Variants in BRIP1 observed in about 807,000 individuals in gnomAD.
BRIP1 encodes the protein Fanconi anemia group J protein.
BRIP1 carries 88 observed loss-of-function variants against 119.7 expected under a neutral mutation model. The observed-to-expected ratio is 0.74, with a 90% confidence interval of 0.62 to 0.88. The LOEUF (loss-of-function observed/expected upper bound fraction) is 0.88, where lower values mean the gene tolerates loss of function less well. BRIP1 is among the 40% of genes least tolerant of loss of function. The pLI is 0.00. For missense variants in BRIP1, 1,259 were observed against 1,455.4 expected (o/e 0.87, Z 2.20); for synonymous variants, 443 against 496.5 (o/e 0.89, Z 1.43).
At position 61,695,705 on chromosome 17, in the gene BRIP1, A is replaced by G. The variant is rs981058221; in HGVS notation, c.2493-2193T>C. ...AGATCTTTCATCTCCTTAGTTAAGT[A>G]TATTTCTAAGTATTTTCTTCTTTCT... On this transcript the variant is annotated intron_variant, in intron 17 of 19. Transcript: ENST00000259008. This position sits in a 1 kb window ranked among gnomAD's most constrained non-coding sequence, Gnocchi z 4.3. Among the ~76,000 whole-genome samples the G allele has an allele frequency of 6.6e-6, 1 of 152,062 alleles. No individual in the cohort carries two copies.
chr17:61,845,035 A>G lies in BRIP1; in HGVS notation c.627+2066T>C, dbSNP rs2078708118. Among the ~76,000 whole-genome samples, 1 of 152,244 alleles carries G rather than the reference A, an allele frequency of 6.6e-6. No individual in the cohort carries two copies. The highest frequency in any genetic ancestry group is 6.5e-5 in the Admixed American group (1 of 15,290). Reference sequence around the variant, plus strand: ...AAGACTGACATTACATCGTAATAGGACAGACAAATAATAAACAAGTAATCA... The same window carrying G: ...AAGACTGACATTACATCGTAATAGGGCAGACAAATAATAAACAAGTAATCA... On this transcript the variant is annotated intron_variant, in intron 6 of 19. Transcript: ENST00000259008. The surrounding 1 kb of genome is among the most constrained non-coding windows in gnomAD (Gnocchi z 4.2).
chr17:61,793,057 C>CA lies in BRIP1; in HGVS notation c.1473+539dup, dbSNP rs966710285. ...ATTAATTTAAATAAGTAAATAGCAA[C>CA]AAAAAAAGAAAATATATTCTTATCG... On this transcript the variant is annotated intron_variant, in intron 10 of 19. Coordinates refer to ENST00000259008, the MANE Select transcript of BRIP1 (RefSeq NM_032043.3). This position sits in a 1 kb window ranked among gnomAD's most constrained non-coding sequence, Gnocchi z 5.2. Among the ~76,000 whole-genome samples the CA allele has an allele frequency of 6.6e-6, 1 of 151,338 alleles. No homozygotes were observed. The highest frequency in any genetic ancestry group is 2.4e-5 in the African/African-American group (1 of 41,218).
In BRIP1 at chr17:61,851,919, G is replaced by A. The variant is rs1033651953; in HGVS notation, c.380-2663C>T. Among the ~76,000 whole-genome samples the A allele has an allele frequency of 8.5e-5, 13 of 152,096 alleles. No homozygotes were observed. Among genetic ancestry groups the A allele is most frequent in the Admixed American group, 7.2e-4 (11 of 15,278 alleles). On this transcript the variant is annotated intron_variant, in intron 4 of 19. Transcript: ENST00000259008. The surrounding 1 kb of genome is among the most constrained non-coding windows in gnomAD (Gnocchi z 4.6). ...TGGGCAATGTCTGGAGACATTTTTC[G>A]TTGTCACAAAAAGAGCAGAGGTGGA...
At position 61,706,982 on chromosome 17, in the gene BRIP1, A is replaced by C. The variant is rs1046043768; in HGVS notation, c.2492+8969T>G. Among the ~76,000 whole-genome samples, 7 of 152,034 alleles carry C rather than the reference A, an allele frequency of 4.6e-5. No homozygotes were observed. The highest frequency in any genetic ancestry group is 2.6e-4 in the Admixed American group (4 of 15,264). On this transcript the variant is annotated intron_variant, in intron 17 of 19. Transcript: ENST00000259008. The surrounding 1 kb of genome is among the most constrained non-coding windows in gnomAD (Gnocchi z 5.7). ...TGTTTTAGGAATTATCTTTGCCTCT[A>C]TTCTGGATTGGAACCCTAGTTCCCT... is the stretch of plus-strand genomic sequence containing the variant.
rs980404531 is a variant in BRIP1, at chr17:61,760,949, C to A, written c.2097+15452G>T. 6.6e-6 allele frequency among the ~76,000 whole-genome samples: 1 copy of A among 151,846 alleles called. No individual in the cohort carries two copies. The highest frequency in any genetic ancestry group is 2.4e-5 in the African/African-American group (1 of 41,386). On this transcript the variant is annotated intron_variant, in intron 14 of 19. Coordinates refer to ENST00000259008, the MANE Select transcript of BRIP1 (RefSeq NM_032043.3). This position sits in a 1 kb window ranked among gnomAD's most constrained non-coding sequence, Gnocchi z 4.6. Reference sequence around the variant, plus strand: ...ATACCAAGGCCAGATAAGGACAATACAAGAAAAGAAAACTGTAGGCCAATA... The same window carrying A: ...ATACCAAGGCCAGATAAGGACAATAAAAGAAAAGAAAACTGTAGGCCAATA...
In BRIP1 at chr17:61,740,754, C is replaced by T. The variant is rs181584923; in HGVS notation, c.2379+2259G>A. Among the ~76,000 whole-genome samples, 1 of 152,298 alleles carries T rather than the reference C, an allele frequency of 6.6e-6. No homozygotes were observed. The highest frequency in any genetic ancestry group is 1.9e-4 in the East Asian group (1 of 5,184). On this transcript the variant is annotated intron_variant, in intron 16 of 19. Transcript: ENST00000259008. The surrounding 1 kb of genome is among the most constrained non-coding windows in gnomAD (Gnocchi z 5.4). ...TCAAAAGCCAATGTATATACCTTAACTTGAAAATATTTTATTGCTAAAAAA... is the reference window on the plus strand; with the variant it reads ...TCAAAAGCCAATGTATATACCTTAATTTGAAAATATTTTATTGCTAAAAAA...
Position 61,767,043 on chromosome 17 carries a change from A to G in BRIP1, c.2097+9358T>C, listed in dbSNP as rs2077383567. On this transcript the variant is annotated intron_variant, in intron 14 of 19. Transcript: ENST00000259008. This position sits in a 1 kb window ranked among gnomAD's most constrained non-coding sequence, Gnocchi z 5.7. ...AAGAATGGCATTCCTCCTAGTTACC[A>G]TAAACTATTGGTCTGAAAGAATGTG... 6.6e-6 allele frequency among the ~76,000 whole-genome samples: 1 copy of G among 152,178 alleles called. No individual in the cohort carries two copies. Among genetic ancestry groups the G allele is most frequent in the Non-Finnish European group, 1.5e-5 (1 of 68,038 alleles).
chr17:61,697,081 C>T (rs774987628), intron 17 of BRIP1, among the ~76,000 whole-genome samples: 20 of 150,086 alleles, frequency 1.3e-4, no homozygotes, highest in Non-Finnish European at 2.2e-4. Context: ...TTCAGCTGGT[C>T]GCAGTGGCTC....
intron 14 of BRIP1, among the ~76,000 whole-genome samples, chr17:61,766,223 T>A (rs997928980): frequency 6.6e-6 from 1 of 152,196 alleles, no homozygotes; most frequent in Non-Finnish European, 1.5e-5. Context: ...CTTAGCCATA[T>A]GAATTGTCTA....
rs773754230 is a variant in BRIP1 at position 61,780,247 on chromosome 17, A to C, written c.1935+14T>G. Reference sequence around the variant, plus strand: ...AACACTGAAGGCCTTCCAAAAAAAAAAACAACAACTAACCTGTGAATTTTT... The same window carrying C: ...AACACTGAAGGCCTTCCAAAAAAAACAACAACAACTAACCTGTGAATTTTT... On this transcript the variant is annotated intron_variant, in intron 13 of 19. Coordinates refer to ENST00000259008, the MANE Select transcript of BRIP1 (RefSeq NM_032043.3). The surrounding 1 kb of genome is among the most constrained non-coding windows in gnomAD (Gnocchi z 5.4). 15 of 1,611,134 alleles carry C rather than the reference A, an allele frequency of 9.3e-6. No individual in the cohort carries two copies. Among genetic ancestry groups the C allele is most frequent in the East Asian group, 4.5e-5 (2 of 44,812 alleles).
intron 8 of BRIP1, 57 bp downstream of exon 8, chr17:61,801,195 TC>T: frequency 6.7e-7 from 1 of 1,494,424 alleles, no homozygotes; most frequent in Non-Finnish European, 9.3e-7. Context: ...GCTTTTACAT[TC>T]AACATTTACA....
At position 61,709,758 on chromosome 17, in the gene BRIP1, A is replaced by G. The variant is rs2061744314; in HGVS notation, c.2492+6193T>C. On this transcript the variant is annotated intron_variant, in intron 17 of 19. Transcript: ENST00000259008. This position sits in a 1 kb window ranked among gnomAD's most constrained non-coding sequence, Gnocchi z 5.0. ...TACTTTCAGTAAAGCAACAAAGACTAGTTAGAAAACTCATAGTGCAGTTGT... is the reference window on the plus strand; with the variant it reads ...TACTTTCAGTAAAGCAACAAAGACTGGTTAGAAAACTCATAGTGCAGTTGT... 6.6e-6 allele frequency among the ~76,000 whole-genome samples: 1 copy of G among 152,230 alleles called. No homozygotes were observed. Among genetic ancestry groups the G allele is most frequent in the Admixed American group, 6.5e-5 (1 of 15,282 alleles).
rs756313788 is a variant in BRIP1, at chr17:61,683,517, T to G, written c.3529A>C (p.Lys1177Gln). 14 of 1,613,466 alleles carry G rather than the reference T, an allele frequency of 8.7e-6. No homozygotes were observed. The highest frequency in any genetic ancestry group is 9.3e-6 in the Non-Finnish European group (11 of 1,179,940). Reference sequence around the variant, plus strand: ...ACTTCTCTGGCTGAATCTACTTCTTTTATAGTTCTAATTTCAAAAAGGTCT... The same window carrying G: ...ACTTCTCTGGCTGAATCTACTTCTTGTATAGTTCTAATTTCAAAAAGGTCT... ...AKDLFEIRTI[K>Q]EVDSAREVKA... Residue 1177 changes from lysine (K) to glutamine (Q), a missense_variant, in exon 20 of 20, where the codon AAA becomes CAA. Coordinates refer to ENST00000259008, the MANE Select transcript of BRIP1 (RefSeq NM_032043.3). This position sits in a 1 kb window ranked among gnomAD's most constrained non-coding sequence, Gnocchi z 4.7.
intron 6 of BRIP1, among the ~76,000 whole-genome samples, chr17:61,833,597 G>A (rs1254417653): frequency 6.6e-6 from 1 of 151,494 alleles, no homozygotes; most frequent in East Asian, 1.9e-4. Context: ...CTTGAACCCA[G>A]GAGGTGGAGG....
At chr17:61,826,560 CA>C (rs941018222) in intron 6 of BRIP1, among the ~76,000 whole-genome samples, 1 of 151,758 alleles carries the variant, frequency 6.6e-6, no homozygotes, top group African/African-American at 2.4e-5. Flanking sequence ...AAAACAACCT[CA>C]TTAAAAAGTG....
At position 61,767,830 on chromosome 17, in the gene BRIP1, C is replaced by T. The variant is rs1426861021; in HGVS notation, c.2097+8571G>A. Among the ~76,000 whole-genome samples, 5 of 152,166 alleles carry T rather than the reference C, an allele frequency of 3.3e-5. No homozygotes were observed. In the East Asian group the frequency reaches 7.7e-4, roughly 23 times the overall value. On this transcript the variant is annotated intron_variant, in intron 14 of 19. Coordinates refer to ENST00000259008, the MANE Select transcript of BRIP1 (RefSeq NM_032043.3). This position sits in a 1 kb window ranked among gnomAD's most constrained non-coding sequence, Gnocchi z 5.7. ...TGTGATTATGAAAATATTTTCTGTG[C>T]CTTTGCTAATACATGTCTCCTTGGT...
Position 61,848,812 on chromosome 17 carries a change from T to C in BRIP1, c.507+317A>G, listed in dbSNP as rs1042095862. Among the ~76,000 whole-genome samples the C allele has an allele frequency of 6.6e-6, 1 of 152,148 alleles. No homozygotes were observed. Among genetic ancestry groups the C allele is most frequent in the Admixed American group, 6.5e-5 (1 of 15,280 alleles). On this transcript the variant is annotated intron_variant, in intron 5 of 19. Transcript: ENST00000259008. This position sits in a 1 kb window ranked among gnomAD's most constrained non-coding sequence, Gnocchi z 4.3. ...GCCAAAAGGAAATGCTATTTTAAGA[T>C]AAAAACAATGGAGGAGTTAAAAAGT...
In BRIP1 at chr17:61,774,992, G is replaced by A. The variant is rs563185240; in HGVS notation, c.2097+1409C>T. ...AATGAAATAAGATTTTGCTTTAATCGCTTACATAACTGTGGAGTGAGTACA... is the reference window on the plus strand; with the variant it reads ...AATGAAATAAGATTTTGCTTTAATCACTTACATAACTGTGGAGTGAGTACA... On this transcript the variant is annotated intron_variant, in intron 14 of 19. Coordinates refer to ENST00000259008, the MANE Select transcript of BRIP1 (RefSeq NM_032043.3). The surrounding 1 kb of genome is among the most constrained non-coding windows in gnomAD (Gnocchi z 5.8). Among the ~76,000 whole-genome samples the A allele has an allele frequency of 1.2e-4, 18 of 152,050 alleles. No homozygotes were observed. The highest frequency in any genetic ancestry group is 3.3e-4 in the Admixed American group (5 of 15,244).
chr17:61,688,937 A>C (rs2061401960), intron 18 of BRIP1, among the ~76,000 whole-genome samples: 1 of 152,016 alleles, frequency 6.6e-6, no homozygotes, highest in Non-Finnish European at 1.5e-5. Context: ...TGAAAAATTC[A>C]CTACAGGGGT....
Sources: gnomAD v4.1 joint callset for allele counts (sites outside exome capture counted in the v4.1 genomes callset) on GRCh38, gnomAD v4.1.1 for gene constraint, Gnocchi (gnomAD v3.1) non-coding constraint, MANE v1.5 for transcripts, NCBI Gene and HGNC (gene_info 2026-07-23, HGNC 2026-07-21) for gene names.